The following TNS3 variants were observed in gnomAD, a reference collection of about 807,000 sequenced individuals.
TNS3 encodes tensin 3.
A neutral mutation model predicts 140.9 loss-of-function variants in TNS3; 45 were observed. The ratio of observed to expected loss-of-function variants is 0.32; its 90% CI spans 0.25 to 0.41. The LOEUF (loss-of-function observed/expected upper bound fraction) is 0.41, where lower values mean the gene tolerates loss of function less well. TNS3 is among the 10% of genes least tolerant of loss of function. TNS3 has a pLI of 1.00. For missense variants in TNS3, 1,716 were observed against 1,906.7 expected, an observed-to-expected ratio of 0.90 and a Z score of 1.86; for synonymous variants, 815 against 788.4, an observed-to-expected ratio of 1.03 and a Z score of -0.56.
Position 47,329,644 on chromosome 7 carries a change from T to C in TNS3, c.2650+15111A>G, listed in dbSNP as rs1584412857. The stretch of plus-strand genomic sequence containing the variant: ...GCAGAGCAGCAGCTCCTGCAAATGA[T>C]GCTGTCGGAAATGCCTGACCACGGA... On this transcript the variant is annotated intron_variant, in intron 20 of 30. Transcript: ENST00000311160. 3.9e-5 allele frequency among the ~76,000 whole-genome samples: 6 copies of C among 152,292 alleles called. No homozygotes were observed. In the South Asian group the frequency reaches 1.2e-3, roughly 32 times the overall value.
intron 1 of TNS3, among the ~76,000 whole-genome samples, chr7:47,553,296 A>C (rs1800110110): frequency 6.6e-6 from 1 of 152,236 alleles, no homozygotes; most frequent in Admixed American, 6.5e-5. Context: ...ATGCAGACAA[A>C]ATCAGCCTTC....
At position 47,414,539 on chromosome 7, in the gene TNS3, C is replaced by T. The variant is rs535040334; in HGVS notation, c.587-542G>A. On this transcript the variant is annotated intron_variant, in intron 11 of 30. Coordinates refer to ENST00000311160, the MANE Select transcript of TNS3 (RefSeq NM_022748.12). The stretch of plus-strand genomic sequence containing the variant: ...GACCCTCGGCCATATACTCTGTGCA[C>T]CTTTGGGGAACTGGGGATGTGGAGA... Among the ~76,000 whole-genome samples, 543 of 152,208 alleles carry T rather than the reference C, an allele frequency of 3.6e-3. 3 individuals carry two copies. Among genetic ancestry groups the T allele is most frequent in the African/African-American group, 0.012 (512 of 41,532 alleles).
Position 47,303,082 on chromosome 7 carries a change from G to A in TNS3, c.3325C>T (p.Arg1109Cys), listed in dbSNP as rs1291991875. 4.3e-6 allele frequency: 7 copies of A among 1,614,056 alleles called. No individual in the cohort carries two copies. Among genetic ancestry groups the A allele is most frequent in the African/African-American group, 2.7e-5 (2 of 74,948 alleles). Reference sequence around the variant, plus strand: ...GAGGGAGAGACTGAGCCCAAAGAACGATCCCCCTCCGAGGCCCGCTTCTTC... The same window carrying A: ...GAGGGAGAGACTGAGCCCAAAGAACAATCCCCCTCCGAGGCCCGCTTCTTC... ...PEKKRASEGD[R>C]SLGSVSPSSS... Residue 1109 changes from arginine to cysteine, a missense_variant, in exon 22 of 31, where the codon CGT becomes TGT. Around this residue, in one of 3 missense-constraint regions of TNS3, gnomAD observed 1,163 missense variants for 1,182.1 expected, o/e 0.98. Transcript: ENST00000311160.
intron 6 of TNS3, among the ~76,000 whole-genome samples, chr7:47,438,747 G>A (rs535707658): frequency 6.6e-6 from 1 of 152,304 alleles, no homozygotes; most frequent in South Asian, 2.1e-4. Flanking sequence ...CATTGGAGCA[G>A]ACCAGCAAGG....
At chr7:47,534,064 A>G (rs1799514674) in intron 1 of TNS3, among the ~76,000 whole-genome samples, 1 of 152,124 alleles carries the variant, frequency 6.6e-6, no homozygotes. Context: ...ACCTGAGCTC[A>G]GGAGTTCAAG....
At position 47,282,577 on chromosome 7, in the gene TNS3, G is replaced by A. The variant is rs529710491; in HGVS notation, c.4097+1120C>T. 2.6e-5 allele frequency among the ~76,000 whole-genome samples: 4 copies of A among 152,326 alleles called. 1 individual carries two copies. The South Asian group carries it at 6.2e-4, about 24-fold the overall frequency. The stretch of plus-strand genomic sequence containing the variant: ...GCCACAACCCTGACCCTGTCCCTGC[G>A]TGTGCCACACAGGGCACTTGCTGAG... On this transcript the variant is annotated intron_variant, in intron 28 of 30. Transcript: ENST00000311160.
At chr7:47,322,373 T>A (rs1787791419) in intron 20 of TNS3, among the ~76,000 whole-genome samples, 1 of 151,784 alleles carries the variant, frequency 6.6e-6, no homozygotes, top group Non-Finnish European at 1.5e-5. Flanking sequence ...AATACAAAAA[T>A]TAGCCGGGCG....
In TNS3 at chr7:47,389,118, A is replaced by T. The variant is rs879388253; in HGVS notation, c.1024+7682T>A. On this transcript the variant is annotated intron_variant, in intron 16 of 30. Transcript: ENST00000311160. ...GAAGAGGAAGCGGAAGCAGAAGAAG[A>T]AGAAGAAGAAGAAGAAGAAGAAGAA... 6.2e-5 allele frequency among the ~76,000 whole-genome samples: 3 copies of T among 48,002 alleles called. 1 individual carries two copies. The highest frequency in any genetic ancestry group is 1.5e-4 in the Non-Finnish European group (3 of 20,654). The allele number at this position is 48,002 out of a possible 152,430, so 31.5% of individuals were successfully genotyped here.
At chr7:47,577,592 T>A in intron 1 of TNS3, among the ~76,000 whole-genome samples, 1 of 152,126 alleles carries the variant, frequency 6.6e-6, no homozygotes, top group East Asian at 1.9e-4. Flanking sequence ...AGGCTCAGTA[T>A]CCTCACAACA....
At chr7:47,339,287 C>T (rs768092015) in intron 20 of TNS3, among the ~76,000 whole-genome samples, 1 of 152,166 alleles carries the variant, frequency 6.6e-6, no homozygotes, top group Non-Finnish European at 1.5e-5. Flanking sequence ...CTAGTGATCC[C>T]AAAGATTTTC....
chr7:47,409,526 A>C (rs1380310668), intron 13 of TNS3, among the ~76,000 whole-genome samples: 1 of 152,130 alleles, frequency 6.6e-6, no homozygotes, highest in African/African-American at 2.4e-5. Flanking sequence ...ATAACTACTC[A>C]TCACTGAAGA....
chr7:47,308,096 A>G (rs1786865182), intron 20 of TNS3, among the ~76,000 whole-genome samples: 1 of 152,224 alleles, frequency 6.6e-6, no homozygotes, highest in African/African-American at 2.4e-5. Context: ...ACATAAGCCT[A>G]TGATCCATTT....
intron 23 of TNS3, among the ~76,000 whole-genome samples, chr7:47,300,918 T>C (rs1253779225): frequency 6.6e-6 from 1 of 152,082 alleles, no homozygotes; most frequent in Non-Finnish European, 1.5e-5. Flanking sequence ...GGCCACAGGC[T>C]TTTTTTTCTC....
At chr7:47,499,710 G>A (rs1345991095) in intron 3 of TNS3, among the ~76,000 whole-genome samples, 3 of 152,210 alleles carry the variant, frequency 2.0e-5, no homozygotes, top group African/African-American at 4.8e-5. Flanking sequence ...CCGGGGTGCA[G>A]GAGAGAGAAG....
rs187741805 is a variant in TNS3 at position 47,506,729 on chromosome 7, A to T, written c.-115+178T>A. Among the ~76,000 whole-genome samples the T allele has an allele frequency of 2.2e-4, 33 of 152,258 alleles. 2 individuals carry two copies. In the East Asian group the frequency reaches 5.2e-3, roughly 24 times the overall value. On this transcript the variant is annotated intron_variant, in intron 3 of 30. Coordinates refer to ENST00000311160, the MANE Select transcript of TNS3 (RefSeq NM_022748.12). ...TTATTTTCCATAATCAAAACCGTGG[A>T]TTTCAAAGCTCTTTGGTTTATCCTT... is the stretch of plus-strand genomic sequence containing the variant.
Position 47,525,220 on chromosome 7 carries a change from T to C in TNS3, c.-153+3816A>G, listed in dbSNP as rs549758657. Among the ~76,000 whole-genome samples the C allele has an allele frequency of 5.8e-4, 89 of 152,290 alleles. 1 individual carries two copies. Among genetic ancestry groups the C allele is most frequent in the African/African-American group, 2.1e-3 (87 of 41,554 alleles). ...CCTTGAATCCTCGGAGGTGACGCTC[T>C]AGGTGTCTCGCTGCCTCCCACCGAA... is the stretch of plus-strand genomic sequence containing the variant. On this transcript the variant is annotated intron_variant, in intron 2 of 30. Coordinates refer to ENST00000311160, the MANE Select transcript of TNS3 (RefSeq NM_022748.12).
At chr7:47,569,606 C>T (rs1800507607) in intron 1 of TNS3, among the ~76,000 whole-genome samples, 1 of 151,942 alleles carries the variant, frequency 6.6e-6, no homozygotes. Context: ...GTAATCCTAA[C>T]ACTTTGGGAG....
At chr7:47,531,570 C>G (rs1231160321) in intron 1 of TNS3, among the ~76,000 whole-genome samples, 1 of 152,034 alleles carries the variant, frequency 6.6e-6, no homozygotes, top group Non-Finnish European at 1.5e-5. Context: ...TTAAAGCTCA[C>G]CAAAAGATAA....
Position 47,297,147 on chromosome 7 carries a change from C to G in TNS3, c.3611G>C (p.Gly1204Ala). Residue 1204 changes from glycine to alanine, a missense_variant, in exon 24 of 31, where the codon GGG (glycine) becomes GCG (alanine). Gly to Ala is a moderately conservative substitution (Grantham distance 60, BLOSUM62 0). Around this residue, in one of 3 missense-constraint regions of TNS3, gnomAD observed 1,163 missense variants for 1,182.1 expected, o/e 0.98. Coordinates refer to ENST00000311160, the MANE Select transcript of TNS3 (RefSeq NM_022748.12). Reference sequence around the variant, plus strand: ...CACCTTCATGGCCAGGCCATAGGCCCCTCGGAAGGAATGGCTGTCTCGAAC... The same window carrying G: ...CACCTTCATGGCCAGGCCATAGGCCGCTCGGAAGGAATGGCTGTCTCGAAC... ...FIVRDSHSFR[G>A]AYGLAMKVAT... The G allele has an allele frequency of 6.2e-7, 1 of 1,613,918 alleles. No individual in the cohort carries two copies. Among genetic ancestry groups the G allele is most frequent in the South Asian group, 1.1e-5 (1 of 91,038 alleles).
Sources: allele counts gnomAD v4.1 joint callset (sites outside exome capture counted in the v4.1 genomes callset), GRCh38; gene constraint gnomAD v4.1.1; regional missense constraint gnomAD v4.1.1; transcripts MANE v1.5; gene names NCBI Gene and HGNC (gene_info 2026-07-23, HGNC 2026-07-21).